CERT1: variants seen among roughly 807,000 people sequenced by gnomAD.
CERT1 encodes ceramide transfer protein.
CERT1 carries 31 observed loss-of-function variants against 87.9 expected under a neutral mutation model. That is an observed-to-expected ratio of 0.35 (90% CI 0.27 to 0.48). The LOEUF (loss-of-function observed/expected upper bound fraction) is 0.48, where lower values mean the gene tolerates loss of function less well. Ranked by LOEUF, CERT1 falls within the 20% of genes least tolerant of loss-of-function variation. CERT1 has a pLI of 0.99. For missense variants in CERT1, 487 were observed against 758.0 expected (o/e 0.64, Z 4.20); for synonymous variants, 289 against 250.9 (o/e 1.15, Z -1.44).
chr5:75,400,534 C>T (rs894246011), intron 9 of CERT1: 3 of 407,294 alleles, frequency 7.4e-6, no homozygotes, highest in Admixed American at 8.0e-5. Context: ...GGGATAAGTT[C>T]GTTGATTTTG....
At position 75,403,508 on chromosome 5, in the gene CERT1, A is replaced by G. The variant is rs969301054; in HGVS notation, c.931-450T>C. Among the ~76,000 whole-genome samples the G allele has an allele frequency of 3.0e-4, 45 of 152,262 alleles. 1 individual carries two copies. The highest frequency in any genetic ancestry group is 1.0e-3 in the African/African-American group (42 of 41,470). ...AAAACAGTGATGCTCATTCAGCTAT[A>G]TATTATCTAGGGCTTCTTTAGTAGC... On this transcript the variant is annotated intron_variant, in intron 8 of 16. Transcript: ENST00000643780.
At chr5:75,461,618 T>C (rs1280186073) in intron 2 of CERT1, among the ~76,000 whole-genome samples, 1 of 152,220 alleles carries the variant, frequency 6.6e-6, no homozygotes, top group African/African-American at 2.4e-5. Flanking sequence ...GTGTTAAATA[T>C]ACTTATTAAA....
chr5:75,474,051 A>G (rs773566346), intron 2 of CERT1, among the ~76,000 whole-genome samples: 3 of 152,208 alleles, frequency 2.0e-5, no homozygotes, highest in Non-Finnish European at 4.4e-5. Context: ...AAAACTGGAC[A>G]TGGGCCTGCC....
chr5:75,381,987 T>C lies in CERT1; in HGVS notation c.1579A>G (p.Ile527Val). ...ALTENDPETWIVCNFSVDHDS... is the reference protein window; with the variant it reads ...ALTENDPETWVVCNFSVDHDS... ...TGATCCACAGAAAAATTACAAACTA[T>C]CCAAGTTTCAGGGTCATTTTCAGTC... Residue 527 changes from isoleucine to valine, a missense_variant, in exon 15 of 17, where the codon ATA becomes GTA. This residue lies in a region of CERT1 where 147 missense variants were observed against 200.8 expected (regional missense o/e 0.73). Transcript: ENST00000643780. 4 of 1,613,840 alleles carry C rather than the reference T, an allele frequency of 2.5e-6. No homozygotes were observed. The highest frequency in any genetic ancestry group is 3.4e-6 in the Non-Finnish European group (4 of 1,179,868).
At chr5:75,476,855 A>C (rs760262052) in intron 2 of CERT1, among the ~76,000 whole-genome samples, 2 of 152,180 alleles carry the variant, frequency 1.3e-5, no homozygotes, top group Non-Finnish European at 2.9e-5. Flanking sequence ...ACTATGGAAA[A>C]GCCTGCACAT....
downstream of CERT1, chr5:75,375,078 A>G (rs1761241381): frequency 5.4e-6 from 1 of 185,350 alleles, no homozygotes; most frequent in Non-Finnish European, 1.1e-5. Flanking sequence ...CACCTGAAAA[A>G]AAAAGGGCAA....
At chr5:75,396,597 C>CA (rs1762263378) in intron 11 of CERT1, among the ~76,000 whole-genome samples, 1 of 151,834 alleles carries the variant, frequency 6.6e-6, no homozygotes, top group Admixed American at 6.6e-5. Flanking sequence ...GGTGTGGTGG[C>CA]AGGTGCCTGT....
At chr5:75,371,102 A>G (rs1162882539) in intron 17 of CERT1, 2 of 152,208 alleles carry the variant, frequency 1.3e-5, no homozygotes, top group African/African-American at 4.8e-5. Flanking sequence ...TCAAGCCAGC[A>G]TATTTGTCCA....
intron 2 of CERT1, among the ~76,000 whole-genome samples, chr5:75,497,638 T>C (rs1010430498): frequency 1.3e-5 from 2 of 152,102 alleles, no homozygotes; most frequent in South Asian, 2.1e-4. Context: ...TCATTCTTTT[T>C]CCTGCCGCCC....
intron 3 of CERT1, among the ~76,000 whole-genome samples, chr5:75,442,690 C>G (rs1232345578): frequency 2.6e-5 from 4 of 151,916 alleles, no homozygotes; most frequent in Non-Finnish European, 5.9e-5. Flanking sequence ...TGCATAGATT[C>G]AGTTACTTGT....
chr5:75,498,570 G>C (rs1252481789), intron 2 of CERT1, among the ~76,000 whole-genome samples: 1 of 152,256 alleles, frequency 6.6e-6, no homozygotes. Context: ...GAGGGTGTCA[G>C]CCCCAAGCCT....
intron 2 of CERT1, among the ~76,000 whole-genome samples, chr5:75,497,842 C>T (rs1036728736): frequency 1.3e-4 from 19 of 151,982 alleles, no homozygotes; most frequent in African/African-American, 4.8e-5. Context: ...TAAGGATACC[C>T]GAAAATGTGG....
At chr5:75,484,463 A>T (rs1240172339) in intron 2 of CERT1, among the ~76,000 whole-genome samples, 3 of 138,634 alleles carry the variant, frequency 2.2e-5, no homozygotes, top group Admixed American at 2.1e-4. Flanking sequence ...TGAATGGATT[A>T]AAAAAAAAAA....
intron 3 of CERT1, among the ~76,000 whole-genome samples, chr5:75,430,688 A>G (rs1477916430): frequency 2.0e-5 from 3 of 152,192 alleles, no homozygotes; most frequent in Non-Finnish European, 4.4e-5. Context: ...TTGTTTCAAC[A>G]TAACAGAATC....
intron 3 of CERT1, among the ~76,000 whole-genome samples, chr5:75,450,457 C>A (rs1278842744): frequency 6.6e-6 from 1 of 152,148 alleles, no homozygotes; most frequent in Non-Finnish European, 1.5e-5. Context: ...AAATGTATTT[C>A]TTTGACATAT....
At position 75,379,430 on chromosome 5, in the gene CERT1, C is replaced by T; in HGVS notation, c.1791G>A (p.Val597=). ...GWAPASVLRA[V]AKREYPKFLK... ...GAAATTTAGGATACTCTCGCTTTGC[C>T]ACTGCCCTTAACACTGAGGCTGGTG... is the stretch of plus-strand genomic sequence containing the variant. Residue 597 remains valine (V), a synonymous_variant, in exon 17 of 17, where the codon GTG becomes GTA. Coordinates refer to ENST00000643780, the MANE Select transcript of CERT1 (RefSeq NM_001379029.1). The T allele has an allele frequency of 6.2e-7, 1 of 1,613,966 alleles. No homozygotes were observed. The highest frequency in any genetic ancestry group is 2.2e-5 in the East Asian group (1 of 44,854).
chr5:75,460,687 C>G (rs187575695), intron 2 of CERT1, among the ~76,000 whole-genome samples: 151 of 152,334 alleles, frequency 9.9e-4, no homozygotes, highest in Middle Eastern at 3.4e-3. Context: ...TTGCTTAACA[C>G]AATTTACATC....
intron 2 of CERT1, among the ~76,000 whole-genome samples, chr5:75,467,091 C>T (rs1442551975): frequency 6.6e-6 from 1 of 152,072 alleles, no homozygotes; most frequent in Non-Finnish European, 1.5e-5. Flanking sequence ...TGGTGAATGC[C>T]TAAACTGTGG....
chr5:75,392,631 G>C (rs1762072256), intron 11 of CERT1, among the ~76,000 whole-genome samples: 1 of 152,122 alleles, frequency 6.6e-6, no homozygotes, highest in African/African-American at 2.4e-5. Flanking sequence ...GATTTAACCT[G>C]ATAATCTGCT....
Sources: gnomAD v4.1 joint callset for allele counts (sites outside exome capture counted in the v4.1 genomes callset) on GRCh38, gnomAD v4.1.1 for gene constraint, gnomAD v4.1.1 regional missense constraint, MANE v1.5 for transcripts, NCBI Gene and HGNC (gene_info 2026-07-23, HGNC 2026-07-21) for gene names.